Variants in PCDH15 observed in about 807,000 individuals in gnomAD.
PCDH15 encodes protocadherin related 15, also known as protocadherin-15.
In PCDH15, 129 loss-of-function variants were observed where a neutral mutation model predicts 178.5. That is an observed-to-expected ratio of 0.72 (90% confidence interval 0.63 to 0.84). PCDH15 has a LOEUF of 0.84. PCDH15 is among the 40% of genes least tolerant of loss of function. The pLI is 0.00. For synonymous variants in PCDH15, 800 were observed against 732.0 expected (o/e 1.09, Z -1.50); for missense variants, 2,230 against 2,099.9 (o/e 1.06, Z -1.21).
intron 2 of PCDH15, among the ~76,000 whole-genome samples, chr10:54,566,903 C>T (rs147055898): frequency 6.6e-6 from 1 of 152,254 alleles, no homozygotes; most frequent in East Asian, 1.9e-4. Flanking sequence ...TTGTAAGAAA[C>T]TTTCAGATTG....
At chr10:54,003,750 A>C (rs531268012) in intron 20 of PCDH15, among the ~76,000 whole-genome samples, 3 of 150,660 alleles carry the variant, frequency 2.0e-5, no homozygotes, top group African/African-American at 4.8e-5. Flanking sequence ...AAAAAAAAAA[A>C]AAAAAAAAAA....
At chr10:53,871,722 CTTGTTTTGTTTTGTTTTGTT>C (rs201361066) in intron 26 of PCDH15, among the ~76,000 whole-genome samples, 6 of 149,470 alleles carry the variant, frequency 4.0e-5, no homozygotes, top group African/African-American at 7.5e-5. Context: ...GCTTCCAGTT[CTTGTTTTGTTTTGTTTTGTT>C]TTGTTTTGTT....
At chr10:54,390,118 T>C (rs185382136) in intron 3 of PCDH15, among the ~76,000 whole-genome samples, 28 of 152,232 alleles carry the variant, frequency 1.8e-4, no homozygotes, top group African/African-American at 5.3e-4. Context: ...CCACTTTTCA[T>C]TGTGGTAGCC....
At chr10:54,672,085 A>G (rs1304115014) in intron 1 of PCDH15, among the ~76,000 whole-genome samples, 2 of 152,080 alleles carry the variant, frequency 1.3e-5, no homozygotes, top group Non-Finnish European at 2.9e-5. Context: ...CCTTACGAGA[A>G]TCTAATGTCT....
At chr10:54,771,077 C>A (rs934861946) in intron 1 of PCDH15, among the ~76,000 whole-genome samples, 1 of 152,006 alleles carries the variant, frequency 6.6e-6, no homozygotes, top group African/African-American at 2.4e-5. Flanking sequence ...GTCTTGGTAG[C>A]CTACCACACT....
chr10:55,529,763 AT>A (rs1841404050), intron 2 of PCDH15, among the ~76,000 whole-genome samples: 1 of 135,238 alleles, frequency 7.4e-6, no homozygotes, highest in African/African-American at 2.7e-5. Context: ...ATATATATAT[AT>A]ATATATATAT....
At chr10:55,008,327 C>T (rs1839978604) in intron 2 of PCDH15, among the ~76,000 whole-genome samples, 2 of 151,948 alleles carry the variant, frequency 1.3e-5, no homozygotes, top group African/African-American at 4.8e-5. Flanking sequence ...AGCTTAGTAT[C>T]GGTAATCACA....
At chr10:54,326,345 A>G (rs1036956099) in intron 7 of PCDH15, among the ~76,000 whole-genome samples, 1 of 152,188 alleles carries the variant, frequency 6.6e-6, no homozygotes, top group Non-Finnish European at 1.5e-5. Context: ...ACTAAGATTA[A>G]AAAGTATGTG....
rs534551403 is a variant in PCDH15, at chr10:53,936,308, A to C, written c.3373+2507T>G. On this transcript the variant is annotated intron_variant, in intron 25 of 37. Coordinates refer to ENST00000644397, the MANE Select transcript of PCDH15 (RefSeq NM_001384140.1). ...TTTAATATGAACTATGTTTAATACC[A>C]ACTGGATATATATTGATATCAAATA... 3.9e-5 allele frequency among the ~76,000 whole-genome samples: 6 copies of C among 152,308 alleles called. No homozygotes were observed. In the South Asian group the frequency reaches 1.2e-3, roughly 32 times the overall value.
At chr10:54,460,952 A>G (rs1323624818) in intron 3 of PCDH15, among the ~76,000 whole-genome samples, 1 of 152,096 alleles carries the variant, frequency 6.6e-6, no homozygotes, top group Non-Finnish European at 1.5e-5. Flanking sequence ...TTTGAATAAT[A>G]CCATTTATAT....
At chr10:54,222,201 C>G (rs2052909141) in intron 9 of PCDH15, among the ~76,000 whole-genome samples, 1 of 152,098 alleles carries the variant, frequency 6.6e-6, no homozygotes, top group South Asian at 2.1e-4. Flanking sequence ...TATGATATGT[C>G]TATGTCTAAA....
At chr10:54,354,338 C>T (rs1442081543) in intron 5 of PCDH15, among the ~76,000 whole-genome samples, 1 of 152,088 alleles carries the variant, frequency 6.6e-6, no homozygotes, top group Admixed American at 6.6e-5. Flanking sequence ...TGTAAAACAG[C>T]TAAAAAATTG....
intron 2 of PCDH15, among the ~76,000 whole-genome samples, chr10:55,019,454 T>A (rs187941398): frequency 1.0e-3 from 154 of 152,278 alleles, no homozygotes; most frequent in African/African-American, 3.5e-3. Context: ...ACCCCTTTTT[T>A]TTTCCTTAGA....
chr10:54,466,007 T>G (rs777380393), intron 3 of PCDH15, among the ~76,000 whole-genome samples: 15 of 152,022 alleles, frequency 9.9e-5, no homozygotes, highest in Non-Finnish European at 1.9e-4. Flanking sequence ...TATTGAACAT[T>G]TTTTCATATA....
At chr10:55,371,526 T>A (rs1845508251) in intron 2 of PCDH15, among the ~76,000 whole-genome samples, 1 of 152,106 alleles carries the variant, frequency 6.6e-6, no homozygotes, top group Admixed American at 6.6e-5. Flanking sequence ...GGGCCGAATT[T>A]CTCACCTTGC....
At chr10:55,331,296 G>C (rs899447371) in intron 2 of PCDH15, among the ~76,000 whole-genome samples, 1 of 151,810 alleles carries the variant, frequency 6.6e-6, no homozygotes, top group Admixed American at 6.6e-5. Flanking sequence ...TAGTACTGTA[G>C]GTGATGTGCC....
chr10:54,002,942 C>T (rs1427749629), intron 20 of PCDH15, among the ~76,000 whole-genome samples: 3 of 152,166 alleles, frequency 2.0e-5, no homozygotes, highest in Non-Finnish European at 4.4e-5. Flanking sequence ...TTCCCTTTCG[C>T]TTTGTTCAAT....
intron 21 of PCDH15, among the ~76,000 whole-genome samples, chr10:53,989,613 G>A (rs1023414400): frequency 6.6e-6 from 1 of 152,032 alleles, no homozygotes; most frequent in Non-Finnish European, 1.5e-5. Context: ...ATTTTCACAA[G>A]CTGACATTCA....
intron 6 of PCDH15, among the ~76,000 whole-genome samples, chr10:54,335,720 C>T (rs981950454): frequency 5.1e-4 from 78 of 152,012 alleles, no homozygotes; most frequent in African/African-American, 1.8e-3. Context: ...TTTCTTTATA[C>T]ATTACCCAGT....
Sources: allele counts gnomAD v4.1 joint callset (sites outside exome capture counted in the v4.1 genomes callset), GRCh38; gene constraint gnomAD v4.1.1; transcripts MANE v1.5; gene names NCBI Gene and HGNC (gene_info 2026-07-23, HGNC 2026-07-21).